Variants in ATG9B observed in about 807,000 individuals in gnomAD.
ATG9B encodes autophagy related 9B.
A neutral mutation model predicts 92.9 loss-of-function variants in ATG9B; 92 were observed. The observed-to-expected ratio is 0.99, with a 90% CI of 0.84 to 1.18. The LOEUF is 1.18. Ranked by LOEUF, ATG9B falls within the 50% of genes most tolerant of loss-of-function variation. ATG9B has a pLI of 0.00. For missense variants in ATG9B, 1,344 were observed against 1,235.0 expected (o/e 1.09, Z -1.32); for synonymous variants, 599 against 551.4 (o/e 1.09, Z -1.21).
chr7:151,013,026 C>T (rs1040828773), downstream of ATG9B: 8 of 580,356 alleles, frequency 1.4e-5, no homozygotes, highest in Non-Finnish European at 5.9e-6. Context: ...CCACCTCACC[C>T]GCGCTTCCCT....
chr7:151,013,584 C>T (rs1795358761), downstream of ATG9B: 1 of 1,021,618 alleles, frequency 9.8e-7, no homozygotes, highest in Non-Finnish European at 1.4e-6. Flanking sequence ...TGGCTCTGCC[C>T]CTGTTGACAC....
rs1198094849 is a variant in ATG9B, at chr7:151,017,983, G to A, written c.1940C>T (p.Pro647Leu). Residue 647 changes from proline (P) to leucine (L), a missense_variant, in exon 8 of 14, where the codon CCT (proline) becomes CTT (leucine). Transcript: ENST00000639579. ...TPLFLLFWFRPRALEIIDFFH... is the reference protein window; with the variant it reads ...TPLFLLFWFRLRALEIIDFFH... ...AAAGTCGATAATCTCCAGGGCACGAGGGCGGAACCAGAAAAGCAGAAACAG... is the reference window on the plus strand; with the variant it reads ...AAAGTCGATAATCTCCAGGGCACGAAGGCGGAACCAGAAAAGCAGAAACAG... 5 of 1,605,944 alleles carry A rather than the reference G, an allele frequency of 3.1e-6. No homozygotes were observed. The highest frequency in any genetic ancestry group is 3.4e-6 in the Non-Finnish European group (4 of 1,175,968).
In ATG9B at chr7:151,017,248, C is replaced by A; in HGVS notation, c.2077G>T (p.Ala693Ser). ...PQWLSAGQTE[A>S]SLSQRAEDGK... ...TCCTCCGCACGCTGAGACAGCGAGG[C>A]CTCAGTCTGTCCCGCCGAGAGCCAC... Residue 693 changes from alanine to serine, a missense_variant, in exon 9 of 14, where the codon GCC (alanine) becomes TCC (serine). By Grantham distance (99) the Ala-to-Ser change is moderately conservative (BLOSUM62 1). Transcript: ENST00000639579. The A allele has an allele frequency of 6.2e-7, 1 of 1,603,156 alleles. No individual in the cohort carries two copies. The highest frequency in any genetic ancestry group is 8.5e-7 in the Non-Finnish European group (1 of 1,173,126).
At chr7:151,022,224 A>G (rs1164919341) in intron 4 of ATG9B, among the ~76,000 whole-genome samples, 1 of 148,454 alleles carries the variant, frequency 6.7e-6, no homozygotes, top group Non-Finnish European at 1.5e-5. Context: ...GGGATGCTGC[A>G]GTGATCAGAG....
chr7:151,019,129 C>A lies in ATG9B; in HGVS notation c.1209G>T (p.Leu403=), dbSNP rs1231174090. The change falls in exon 6 of 14, where the codon CTG becomes CTT. Residue 403 remains leucine, a synonymous_variant. Coordinates refer to ENST00000639579, the MANE Select transcript of ATG9B (RefSeq NM_001317056.2). ...AGAGCGAGAAGGGACCGCGGAAGAG[C>A]AGCAGGTCGACATTGAGCGCCAGGC... The part of the protein sequence containing the change: ...SRGLALNVDL[L]LFRGPFSLFR... The A allele has an allele frequency of 1.6e-5, 25 of 1,535,866 alleles. 1 individual carries two copies. The Admixed American group carries it at 4.9e-4, about 30-fold the overall frequency.
intron 4 of ATG9B, among the ~76,000 whole-genome samples, chr7:151,022,560 C>T (rs1042148092): frequency 3.3e-5 from 5 of 151,798 alleles, no homozygotes; most frequent in African/African-American, 1.2e-4. Context: ...TTAAGATACA[C>T]TTAAAAGGCC....
downstream of ATG9B, chr7:151,013,342 T>A: frequency 6.2e-7 from 1 of 1,613,738 alleles, no homozygotes. Flanking sequence ...TTTGGCCGAG[T>A]CCTCACCGCC....
At position 151,018,561 on chromosome 7, in the gene ATG9B, C is replaced by A; in HGVS notation, c.1718+59G>T. 2 of 1,549,634 alleles carry A rather than the reference C, an allele frequency of 1.3e-6. No individual in the cohort carries two copies. Among genetic ancestry groups the A allele is most frequent in the Non-Finnish European group, 1.7e-6 (2 of 1,152,176 alleles). ...AGGTAAGGATTCGGGGGGAACCTCACATGGCCCCAGATCAGAGAAACCAAC... is the reference window on the plus strand; with the variant it reads ...AGGTAAGGATTCGGGGGGAACCTCAAATGGCCCCAGATCAGAGAAACCAAC... On this transcript the variant is annotated intron_variant, in intron 6 of 13. Transcript: ENST00000639579. The surrounding 1 kb of genome is among the most constrained non-coding windows in gnomAD (Gnocchi z 4.7).
At chr7:151,016,599 A>T in intron 10 of ATG9B, 72 bp from the exon 11 acceptor site, 1 of 1,542,452 alleles carries the variant, frequency 6.5e-7, no homozygotes, top group African/African-American at 1.4e-5. Flanking sequence ...TCCCCTTCTG[A>T]ATCCCCCCTC....
rs1445360163 is a variant in ATG9B, at chr7:151,018,484, A to G, written c.1719-37T>C. The G allele has an allele frequency of 9.9e-6, 15 of 1,516,476 alleles. No homozygotes were observed. Among genetic ancestry groups the G allele is most frequent in the Non-Finnish European group, 1.3e-5 (15 of 1,133,808 alleles). 93.9% of individuals were successfully genotyped at this position (1,516,476 alleles called of 1,614,324 possible). A position where few individuals can be genotyped will look rare whatever the true frequency, so the allele number is the denominator to read the frequency against. ...GATCCGTGGGGGGAAGGGGCCTGCG[A>G]TTAGGAGGACGCGCGGTGGGATGTA... On this transcript the variant is annotated intron_variant, in intron 6 of 13. Transcript: ENST00000639579. This position sits in a 1 kb window ranked among gnomAD's most constrained non-coding sequence, Gnocchi z 4.7.
chr7:151,016,752 G>C lies in ATG9B; in HGVS notation c.2359C>G (p.Pro787Ala), dbSNP rs375084617. 1.5e-4 allele frequency: 237 copies of C among 1,612,838 alleles called. No homozygotes were observed. The highest frequency in any genetic ancestry group is 1.8e-4 in the Non-Finnish European group (214 of 1,179,678). Residue 787 changes from proline (P) to alanine (A), a missense_variant, in exon 10 of 14, where the codon CCC becomes GCC. Transcript: ENST00000639579. ...LPPRDLSPTA[P>A]CPAAATASLL... ...CTGGCTGTGGCCGCAGCTGGACAGG[G>C]GGCTGTCGGGCTCAGATCTCTCGGA...
intron 5 of ATG9B, 44 bp downstream of exon 5, chr7:151,021,144 C>A: frequency 6.2e-7 from 1 of 1,606,550 alleles, no homozygotes; most frequent in Non-Finnish European, 8.5e-7. Flanking sequence ...CCTCTGCCCA[C>A]CCTCTCACGG....
In ATG9B at chr7:151,021,271, C is replaced by A. The variant is rs1161472765; in HGVS notation, c.880G>T (p.Val294Phe). ...LLVLAAGFWL[V>F]QLLRSVCNLF... ...TTGCAGACTGAGCGAAGCAGTTGGA[C>A]CAGCCAGAAGCCGGCAGCCAGGACC... Residue 294 changes from valine to phenylalanine, a missense_variant, in exon 5 of 14, where the codon GTC becomes TTC. Coordinates refer to ENST00000639579, the MANE Select transcript of ATG9B (RefSeq NM_001317056.2). 74 of 1,613,286 alleles carry A rather than the reference C, an allele frequency of 4.6e-5. No homozygotes were observed. Among genetic ancestry groups the A allele is most frequent in the Non-Finnish European group, 6.3e-5 (74 of 1,179,844 alleles).
At chr7:151,022,945 G>A in intron 4 of ATG9B, 100 bp downstream of exon 4, 3 of 1,494,358 alleles carry the variant, frequency 2.0e-6, no homozygotes, top group Non-Finnish European at 2.7e-6. Flanking sequence ...AAAGCTTTGA[G>A]AACTGCTGAT....
At position 151,015,249 on chromosome 7, in the gene ATG9B, T is replaced by A. The variant is rs887425076; in HGVS notation, c.*479A>T. 6.6e-6 allele frequency: 1 copy of A among 152,252 alleles called. No individual in the cohort carries two copies. Among genetic ancestry groups the A allele is most frequent in the Non-Finnish European group, 1.5e-5 (1 of 68,100 alleles). 9.4% of individuals were successfully genotyped at this position (152,252 alleles called of 1,614,324 possible). A position where few individuals can be genotyped will look rare whatever the true frequency, so the allele number is the denominator to read the frequency against. ...ACACCCGTACTGAAGTCCAAAAACA[T>A]CATCCCTCCCGTCTTTCCACTGACA... On this transcript the variant is annotated 3_prime_UTR_variant, in exon 14 of 14. Coordinates refer to ENST00000639579, the MANE Select transcript of ATG9B (RefSeq NM_001317056.2).
At chr7:151,013,090 C>CT, downstream of ATG9B, 1 of 902,986 alleles carries the variant, frequency 1.1e-6, no homozygotes, top group East Asian at 2.4e-5. Context: ...TCTACACTCT[C>CT]TTAGAGATGA....
rs755110178 is a variant in ATG9B at position 151,024,208 on chromosome 7, C to T, written c.216G>A (p.Gly72=). 5 of 1,489,804 alleles carry T rather than the reference C, an allele frequency of 3.4e-6. No individual in the cohort carries two copies. Among genetic ancestry groups the T allele is most frequent in the African/African-American group, 2.8e-5 (2 of 70,982 alleles). 92.3% of individuals were successfully genotyped at this position (1,489,804 alleles called of 1,614,324 possible). ...SPSSFSPPTA[G]PPCSVLQGTG... ...TCCCCTGTAGCACTGAGCAAGGGGG[C>T]CCTGCGGTGGGAGGGGAAAATGAGG... Residue 72 remains glycine, a synonymous_variant, in exon 1 of 14, where the codon GGG becomes GGA. Coordinates refer to ENST00000639579, the MANE Select transcript of ATG9B (RefSeq NM_001317056.2).
chr7:151,013,679 G>A, downstream of ATG9B: 1 of 738,130 alleles, frequency 1.4e-6, no homozygotes, highest in Non-Finnish European at 2.2e-6. Flanking sequence ...CTGCGCCCCC[G>A]CGCCCACCCC....
chr7:151,018,835 C>A lies in ATG9B; in HGVS notation c.1503G>T (p.Ala501=). The stretch of plus-strand genomic sequence containing the variant: ...CGGGGCGGTAGGCGCGGGCCAGGCG[C>A]GCGCGCAGCTCGTGCGGCAGCTCGT... The part of the protein sequence containing the change: ...HFNELPHELR[A]RLARAYRPAA... Residue 501 remains alanine, a synonymous_variant, in exon 6 of 14, where the codon GCG becomes GCT. Coordinates refer to ENST00000639579, the MANE Select transcript of ATG9B (RefSeq NM_001317056.2). The surrounding 1 kb of genome is among the most constrained non-coding windows in gnomAD (Gnocchi z 4.7). The A allele has an allele frequency of 7.7e-7, 1 of 1,293,018 alleles. No individual in the cohort carries two copies. Among genetic ancestry groups the A allele is most frequent in the Non-Finnish European group, 9.8e-7 (1 of 1,024,100 alleles). 80.1% of individuals were successfully genotyped at this position (1,293,018 alleles called of 1,614,324 possible).
Sources: allele counts gnomAD v4.1 joint callset (sites outside exome capture counted in the v4.1 genomes callset), GRCh38; gene constraint gnomAD v4.1.1; non-coding constraint Gnocchi (gnomAD v3.1); transcripts MANE v1.5; gene names NCBI Gene and HGNC (gene_info 2026-07-23, HGNC 2026-07-21).